The following ARHGEF3 variants were observed in gnomAD, a reference collection of about 807,000 sequenced individuals.
ARHGEF3 encodes the protein 59.8 kDA protein.
ARHGEF3 carries 28 observed loss-of-function variants against 63.2 expected under a neutral mutation model. That is an observed-to-expected ratio of 0.44 (90% CI 0.33 to 0.61). ARHGEF3 has a LOEUF of 0.61. Ranked by LOEUF, ARHGEF3 falls within the 20% of genes least tolerant of loss-of-function variation. The pLI is 0.03. For missense variants in ARHGEF3, 533 were observed against 659.3 expected, an observed-to-expected ratio of 0.81 and a Z score of 2.10; for synonymous variants, 266 against 254.2, an observed-to-expected ratio of 1.05 and a Z score of -0.44.
Position 57,074,182 on chromosome 3 carries a change from C to A in ARHGEF3, c.-28+5044G>T, listed in dbSNP as rs986969653. On this transcript the variant is annotated intron_variant, in intron 1 of 12. Transcript: ENST00000338458. ...CCCAGTAGCACAGGGTGCAGCCGTTCAAACCAACTGACATTTACTGAGGGC... is the reference window on the plus strand; with the variant it reads ...CCCAGTAGCACAGGGTGCAGCCGTTAAAACCAACTGACATTTACTGAGGGC... 3 of 1,614,020 alleles carry A rather than the reference C, an allele frequency of 1.9e-6. No homozygotes were observed. The African/African-American group carries it at 4.0e-5, about 22-fold the overall frequency.
chr3:57,014,039 C>G (rs7374206), intron 2 of ARHGEF3, among the ~76,000 whole-genome samples: 39,840 of 152,034 alleles, frequency 0.26, 5,512 homozygotes, highest in Middle Eastern at 0.31. Flanking sequence ...GTAACACTCA[C>G]CGCGAAGGTC....
chr3:56,786,341 TG>T (rs2036808681), intron 1 of ARHGEF3, among the ~76,000 whole-genome samples: 1 of 152,220 alleles, frequency 6.6e-6, no homozygotes, highest in Admixed American at 6.5e-5. Flanking sequence ...CAAAGCATGC[TG>T]TTCAGGAAAC....
chr3:56,757,558 T>A lies in ARHGEF3; in HGVS notation c.205-2407A>T, dbSNP rs1462372430. On this transcript the variant is annotated intron_variant, in intron 2 of 9. Transcript: ENST00000296315. ...GATAATTTAAAATGTAAACACCCCTTCTATGTAGCCTAAAATAAAATCAGG... is the reference window on the plus strand; with the variant it reads ...GATAATTTAAAATGTAAACACCCCTACTATGTAGCCTAAAATAAAATCAGG... Among the ~76,000 whole-genome samples, 3 of 152,112 alleles carry A rather than the reference T, an allele frequency of 2.0e-5. No individual in the cohort carries two copies. The East Asian group carries it at 5.8e-4, about 29-fold the overall frequency.
At chr3:57,013,066 C>G (rs1283158801) in intron 2 of ARHGEF3, among the ~76,000 whole-genome samples, 2 of 152,222 alleles carry the variant, frequency 1.3e-5, no homozygotes, top group Non-Finnish European at 2.9e-5. Flanking sequence ...CTGCCTGCGC[C>G]ACACTCGAAT....
Position 56,994,064 on chromosome 3 carries a change from C to CAAAAAAAAAAAAAAAAAAAAA in ARHGEF3, c.63-35196_63-35176dup, listed in dbSNP as rs60299557. Among the ~76,000 whole-genome samples, 349 of 59,644 alleles carry CAAAAAAAAAAAAAAAAAAAAA rather than the reference C, an allele frequency of 5.9e-3. 51 individuals carry two copies. Among genetic ancestry groups the CAAAAAAAAAAAAAAAAAAAAA allele is most frequent in the Non-Finnish European group, 7.3e-3 (217 of 29,860 alleles). 39.1% of individuals were successfully genotyped at this position (59,644 alleles called of 152,430 possible). ...GGGCGACAAGAGTGAAACTTCGTCT[C>CAAAAAAAAAAAAAAAAAAAAA]AAAAAAAAAAAAAAAAAAAAAGCAC... is the stretch of plus-strand genomic sequence containing the variant. On this transcript the variant is annotated intron_variant, in intron 2 of 12. Transcript: ENST00000338458.
At chr3:56,967,007 G>A (rs1477849214) in intron 2 of ARHGEF3, among the ~76,000 whole-genome samples, 1 of 150,360 alleles carries the variant, frequency 6.7e-6, no homozygotes, top group Non-Finnish European at 1.5e-5. Context: ...AGGATTACAG[G>A]CATGCGCCAC....
At chr3:57,066,043 A>AC (rs1371818249) in intron 1 of ARHGEF3, among the ~76,000 whole-genome samples, 1 of 138,994 alleles carries the variant, frequency 7.2e-6, no homozygotes, top group Non-Finnish European at 1.5e-5. Flanking sequence ...TCCAAAACAA[A>AC]AAAAAAAAAC....
intron 3 of ARHGEF3, chr3:56,939,830 T>C (rs560485115): frequency 1.3e-5 from 2 of 152,328 alleles, no homozygotes; most frequent in African/African-American, 4.8e-5. Context: ...GGAAGAATTT[T>C]GTAGGCAGGA....
At chr3:56,916,186 C>T (rs2041983232) in intron 3 of ARHGEF3, 2 of 1,292,890 alleles carry the variant, frequency 1.5e-6, no homozygotes. Flanking sequence ...GCTCCCTGAT[C>T]AGTTTCTTGG....
intron 1 of ARHGEF3, among the ~76,000 whole-genome samples, chr3:57,039,336 C>T (rs867436943): frequency 1.3e-5 from 2 of 152,198 alleles, no homozygotes; most frequent in African/African-American, 4.8e-5. Context: ...GCAACCAGCA[C>T]TCTCATATAC....
intron 4 of ARHGEF3, among the ~76,000 whole-genome samples, chr3:56,878,932 G>A (rs1024082649): frequency 6.6e-6 from 1 of 152,226 alleles, no homozygotes; most frequent in Non-Finnish European, 1.5e-5. Flanking sequence ...TGTCAGATCA[G>A]CGGTGGAGAC....
Position 56,745,322 on chromosome 3 carries a change from A to T in ARHGEF3, c.753T>A (p.Asp251Glu). The T allele has an allele frequency of 6.2e-7, 1 of 1,614,036 alleles. No homozygotes were observed. The highest frequency in any genetic ancestry group is 8.5e-7 in the Non-Finnish European group (1 of 1,180,006). Residue 251 changes from aspartate (D) to glutamate (E), a missense_variant, in exon 7 of 10, where the codon GAT (aspartate) becomes GAA (glutamate). This residue lies in a region of ARHGEF3 where 107 missense variants were observed against 207.9 expected (regional missense o/e 0.51). Coordinates refer to ENST00000296315, the MANE Select transcript of ARHGEF3 (RefSeq NM_019555.3). The stretch of plus-strand genomic sequence containing the variant: ...TTGGAATATCGAGGAAATTCCAGAG[A>T]TCTAGTTTGCGGCTAAAGGGGGATT... ...CLESPFSRKL[D>E]LWNFLDIPRS...
At chr3:56,919,249 TAAG>T (rs2108359683) in intron 3 of ARHGEF3, among the ~76,000 whole-genome samples, 1 of 152,332 alleles carries the variant, frequency 6.6e-6, no homozygotes, top group Admixed American at 6.5e-5. Flanking sequence ...TTCATCACCA[TAAG>T]AAGTACTGTA....
At chr3:56,740,227 C>A (rs577852615) in intron 7 of ARHGEF3, among the ~76,000 whole-genome samples, 1 of 151,514 alleles carries the variant, frequency 6.6e-6, no homozygotes, top group Non-Finnish European at 1.5e-5. Flanking sequence ...TTATTCTTTT[C>A]TCTATTTCTC....
chr3:56,801,949 T>A lies in ARHGEF3; in HGVS notation c.-151A>T, dbSNP rs754742398. 1.4e-4 allele frequency: 179 copies of A among 1,310,344 alleles called. No individual in the cohort carries two copies. The highest frequency in any genetic ancestry group is 1.7e-4 in the Non-Finnish European group (175 of 1,003,892). 81.2% of individuals were successfully genotyped at this position (1,310,344 alleles called of 1,614,324 possible). A position where few individuals can be genotyped will look rare whatever the true frequency, so the allele number is the denominator to read the frequency against. ...GGCTTCTAGCCGGGCAGGACTCGAC[T>A]GGGCTCCGGAGCCGAGTGGGCGGGA... On this transcript the variant is annotated 5_prime_UTR_variant, in exon 1 of 10. Coordinates refer to ENST00000296315, the MANE Select transcript of ARHGEF3 (RefSeq NM_019555.3).
At chr3:57,029,745 G>A (rs1290864420) in intron 2 of ARHGEF3, among the ~76,000 whole-genome samples, 1 of 152,190 alleles carries the variant, frequency 6.6e-6, no homozygotes, top group East Asian at 1.9e-4. Context: ...CTGTGGGAAT[G>A]CTGATGGGAT....
chr3:56,853,831 C>A (rs942314223), intron 4 of ARHGEF3, among the ~76,000 whole-genome samples: 1 of 152,148 alleles, frequency 6.6e-6, no homozygotes, highest in African/African-American at 2.4e-5. Flanking sequence ...AGAACATGGG[C>A]TCCTATGGAA....
chr3:56,745,658 G>A (rs1235976478), intron 6 of ARHGEF3, among the ~76,000 whole-genome samples, 196 bp from the exon 7 acceptor site: 3 of 152,068 alleles, frequency 2.0e-5, no homozygotes, highest in Admixed American at 2.0e-4. Context: ...TTAGGCTCTG[G>A]CTTGCTTTCA....
upstream of ARHGEF3, among the ~76,000 whole-genome samples, chr3:56,805,541 G>A (rs2037834240): frequency 6.6e-6 from 1 of 152,178 alleles, no homozygotes; most frequent in Non-Finnish European, 1.5e-5. Context: ...GGCCTCCGAA[G>A]AAATGTTAAA....
Sources: allele counts gnomAD v4.1 joint callset (sites outside exome capture counted in the v4.1 genomes callset), GRCh38; gene constraint gnomAD v4.1.1; regional missense constraint gnomAD v4.1.1; transcripts MANE v1.5; gene names NCBI Gene and HGNC (gene_info 2026-07-23, HGNC 2026-07-21).